PDE4D: variants seen among roughly 807,000 people sequenced by gnomAD.
PDE4D encodes 3',5'-cyclic-AMP phosphodiesterase 4D.
PDE4D carries 24 observed loss-of-function variants against 87.4 expected under a neutral mutation model. The observed-to-expected ratio is 0.27, with a 90% CI of 0.20 to 0.39. The LOEUF (loss-of-function observed/expected upper bound fraction) is 0.39. Among genes scored for constraint, PDE4D ranks in the 10% least tolerant of loss-of-function variants. PDE4D has a pLI of 1.00. For missense variants in PDE4D, 714 were observed against 1,041.0 expected (o/e 0.69, Z 4.32); for synonymous variants, 384 against 383.2 (o/e 1.00, Z -0.02).
chr5:59,454,831 T>G (rs1410213138), intron 1 of PDE4D, among the ~76,000 whole-genome samples: 1 of 152,162 alleles, frequency 6.6e-6, no homozygotes, highest in Admixed American at 6.5e-5. Context: ...GATGAGGAAC[T>G]TTTTGGGAAC....
intron 3 of PDE4D, among the ~76,000 whole-genome samples, chr5:59,973,903 C>A (rs1761042803): frequency 6.6e-6 from 1 of 152,102 alleles, no homozygotes. Context: ...AAATTGTGTG[C>A]ACATATGTAT....
chr5:59,056,642 CCCT>C (rs1395099304), intron 5 of PDE4D, among the ~76,000 whole-genome samples: 2 of 152,022 alleles, frequency 1.3e-5, no homozygotes, highest in Admixed American at 6.6e-5. Flanking sequence ...ATGTTCCCCT[CCCT>C]GTGTCCATGT....
chr5:60,149,991 CAT>C (rs1237012129), intron 2 of PDE4D, among the ~76,000 whole-genome samples: 1 of 144,654 alleles, frequency 6.9e-6, no homozygotes, highest in Non-Finnish European at 1.5e-5. Context: ...ATATGTAATA[CAT>C]ATGTGTATAT....
chr5:60,000,368 C>T (rs1422972242), intron 2 of PDE4D, among the ~76,000 whole-genome samples: 1 of 152,136 alleles, frequency 6.6e-6, no homozygotes, highest in Non-Finnish European at 1.5e-5. Flanking sequence ...AAGCGACCTT[C>T]AATGACATTA....
At chr5:59,651,204 C>T (rs1219770442) in intron 1 of PDE4D, among the ~76,000 whole-genome samples, 1 of 149,972 alleles carries the variant, frequency 6.7e-6, no homozygotes, top group African/African-American at 2.4e-5. Context: ...TGCAGTGAGC[C>T]GAGATCGCGC....
intron 1 of PDE4D, among the ~76,000 whole-genome samples, chr5:60,468,518 A>C (rs1747568519): frequency 6.6e-6 from 1 of 151,994 alleles, no homozygotes; most frequent in Non-Finnish European, 1.5e-5. Context: ...TTGCCCACTC[A>C]ACAAAAATTG....
intron 1 of PDE4D, among the ~76,000 whole-genome samples, chr5:59,864,885 T>C (rs544160762): frequency 3.3e-5 from 5 of 152,258 alleles, no homozygotes; most frequent in African/African-American, 1.2e-4. Context: ...GGTTCCCCAG[T>C]GGACCTACTC....
intron 5 of PDE4D, among the ~76,000 whole-genome samples, chr5:59,155,794 G>C (rs9292193): frequency 0.7 from 106,752 of 151,938 alleles, 37,706 homozygotes; most frequent in Non-Finnish European, 0.74. Flanking sequence ...GAAGGGAAAC[G>C]TCATCCGCTG....
chr5:59,073,488 C>G (rs1033100895), intron 5 of PDE4D, among the ~76,000 whole-genome samples: 1 of 79,480 alleles, frequency 1.3e-5, no homozygotes, highest in Admixed American at 2.1e-4. Flanking sequence ...GCTGAAGATA[C>G]AGAAAATAAA....
chr5:60,161,521 C>T (rs1017509879), intron 2 of PDE4D, among the ~76,000 whole-genome samples: 2 of 152,092 alleles, frequency 1.3e-5, no homozygotes, highest in Admixed American at 1.3e-4. Flanking sequence ...GGTCTTCCTA[C>T]TCTTCAACTG....
chr5:59,532,142 T>G (rs1814348660), intron 1 of PDE4D, among the ~76,000 whole-genome samples: 1 of 152,162 alleles, frequency 6.6e-6, no homozygotes, highest in African/African-American at 2.4e-5. Flanking sequence ...TAGATTTTTT[T>G]GTTTTGATTT....
chr5:60,029,328 A>G (rs1034603493), intron 2 of PDE4D, among the ~76,000 whole-genome samples: 4 of 152,226 alleles, frequency 2.6e-5, no homozygotes, highest in Non-Finnish European at 5.9e-5. Context: ...CCCTCTGCTC[A>G]CTGAGATAGA....
chr5:60,412,389 T>C (rs1409227717), intron 1 of PDE4D, among the ~76,000 whole-genome samples: 4 of 152,180 alleles, frequency 2.6e-5, no homozygotes, highest in African/African-American at 7.2e-5. Context: ...AATATCTTTT[T>C]AGAGAGCCTT....
At chr5:59,082,825 T>C (rs1214703256) in intron 5 of PDE4D, among the ~76,000 whole-genome samples, 2 of 152,140 alleles carry the variant, frequency 1.3e-5, no homozygotes, top group African/African-American at 4.8e-5. Flanking sequence ...AAATGTGATG[T>C]CTACTTTCTT....
intron 1 of PDE4D, among the ~76,000 whole-genome samples, chr5:59,850,208 A>T (rs1360297568): frequency 6.6e-6 from 1 of 152,028 alleles, no homozygotes; most frequent in African/African-American, 2.4e-5. Context: ...ATAAAATTCA[A>T]CTGATTTGGT....
chr5:60,253,432 G>A (rs1748695456), intron 1 of PDE4D, among the ~76,000 whole-genome samples: 1 of 151,772 alleles, frequency 6.6e-6, no homozygotes, highest in South Asian at 2.1e-4. Flanking sequence ...TACAGAACAG[G>A]CCACTTCTCT....
At chr5:59,746,764 G>A (rs1181033161) in intron 1 of PDE4D, among the ~76,000 whole-genome samples, 1 of 151,898 alleles carries the variant, frequency 6.6e-6, no homozygotes, top group Non-Finnish European at 1.5e-5. Context: ...GCTGCCCACC[G>A]AGAATACGGA....
At chr5:59,262,774 C>A (rs1762240168) in intron 1 of PDE4D, among the ~76,000 whole-genome samples, 1 of 151,792 alleles carries the variant, frequency 6.6e-6, no homozygotes, top group African/African-American at 2.4e-5. Flanking sequence ...TAAAAATCAC[C>A]CATTGATAGA....
At chr5:59,509,955 A>G (rs1809997950) in intron 1 of PDE4D, among the ~76,000 whole-genome samples, 1 of 148,176 alleles carries the variant, frequency 6.7e-6, no homozygotes, top group Admixed American at 6.7e-5. Flanking sequence ...TTTTTTGAAT[A>G]TTATAATTAT....
Sources: gnomAD v4.1 joint callset for allele counts (sites outside exome capture counted in the v4.1 genomes callset) on GRCh38, gnomAD v4.1.1 for gene constraint, MANE v1.5 for transcripts, NCBI Gene and HGNC (gene_info 2026-07-23, HGNC 2026-07-21) for gene names.